The following ROBO2 variants were observed in gnomAD, a reference collection of about 807,000 sequenced individuals.
The protein encoded by ROBO2 is roundabout guidance receptor 2, also known as roundabout homolog 2.
Under a neutral mutation model 160.8 loss-of-function variants are expected in ROBO2, and 53 were observed. The ratio of observed to expected loss-of-function variants is 0.33; its 90% CI spans 0.26 to 0.41. The LOEUF (loss-of-function observed/expected upper bound fraction) is 0.41. Among genes scored for constraint, ROBO2 ranks in the 10% least tolerant of loss-of-function variants. The pLI is 1.00. For synonymous variants in ROBO2, 664 were observed against 611.7 expected (o/e 1.09, Z -1.26); for missense variants, 1,577 against 1,722.4 (o/e 0.92, Z 1.49).
chr3:76,050,354 C>T (rs181808281), intron 2 of ROBO2, among the ~76,000 whole-genome samples: 98 of 152,256 alleles, frequency 6.4e-4, no homozygotes, highest in Admixed American at 1.6e-3. Flanking sequence ...CAGGGGCTCT[C>T]AGGTCTTCAG....
At position 76,305,141 on chromosome 3, in the gene ROBO2, C is replaced by G. The variant is rs528893902; in HGVS notation, c.109+367539C>G. On this transcript the variant is annotated intron_variant, in intron 2 of 26. Transcript: ENST00000487694. ...TTTTAGATCATGCCTTTAATTGAAG[C>G]ATTTTGGGAGGCTGAGGACAGAGGA... Among the ~76,000 whole-genome samples the G allele has an allele frequency of 2.2e-4, 34 of 151,874 alleles. No homozygotes were observed. In the South Asian group the frequency reaches 6.8e-3, roughly 31 times the overall value.
intron 3 of ROBO2, among the ~76,000 whole-genome samples, chr3:77,480,679 A>C (rs735188): frequency 0.018 from 2,698 of 152,218 alleles, 77 homozygotes; most frequent in African/African-American, 0.06. Flanking sequence ...TATGCCTAGT[A>C]AGTATGGATA....
intron 2 of ROBO2, among the ~76,000 whole-genome samples, chr3:76,924,562 C>T (rs1172028986): frequency 6.6e-6 from 1 of 152,170 alleles, no homozygotes; most frequent in Non-Finnish European, 1.5e-5. Flanking sequence ...GCAGCCTGAA[C>T]AGACTAAGAC....
chr3:77,339,488 A>C (rs1453820217), intron 2 of ROBO2, among the ~76,000 whole-genome samples: 1 of 152,080 alleles, frequency 6.6e-6, no homozygotes, highest in Admixed American at 6.6e-5. Flanking sequence ...CTGAACAGGA[A>C]ATTTCGATGC....
intron 2 of ROBO2, among the ~76,000 whole-genome samples, chr3:76,815,814 C>A (rs556799424): frequency 3.6e-4 from 55 of 151,996 alleles, no homozygotes; most frequent in Non-Finnish European, 6.5e-4. Flanking sequence ...CCATTGTTCC[C>A]TTTCCTCACT....
rs191497406 is a variant in ROBO2 at position 76,086,767 on chromosome 3, G to A, written c.109+149165G>A. Among the ~76,000 whole-genome samples, 97 of 152,154 alleles carry A rather than the reference G, an allele frequency of 6.4e-4. No homozygotes were observed. The Middle Eastern group carries it at 0.024, about 37-fold the overall frequency. ...AAGAAATTTTTTATTTAGTAACTAT[G>A]ATCAATATGCTAAGGGCTTTAATAG... On this transcript the variant is annotated intron_variant, in intron 2 of 26. Transcript: ENST00000487694.
chr3:76,472,927 G>A (rs943590543), intron 2 of ROBO2, among the ~76,000 whole-genome samples: 9 of 152,120 alleles, frequency 5.9e-5, no homozygotes, highest in African/African-American at 9.6e-5. Context: ...CCATGCTGTC[G>A]GTGTCTTGAA....
intron 2 of ROBO2, among the ~76,000 whole-genome samples, chr3:77,236,108 A>G (rs1373286933): frequency 6.6e-6 from 1 of 152,238 alleles, no homozygotes; most frequent in African/African-American, 2.4e-5. Context: ...AGTTTTATAC[A>G]TTTTAGAAAA....
chr3:77,477,457 G>C (rs1450904063), exon 3 of ROBO2: 1 of 1,613,764 alleles, frequency 6.2e-7, no homozygotes, highest in Non-Finnish European at 8.5e-7. Flanking sequence ...ATGTTGTAGT[G>C]GCAGCTGGAG....
chr3:76,076,177 C>A (rs1251645893), intron 2 of ROBO2, among the ~76,000 whole-genome samples: 1 of 152,190 alleles, frequency 6.6e-6, no homozygotes. Context: ...TACTCTCCTG[C>A]ACCTCCCTTT....
At chr3:77,060,662 C>T (rs900885980) in intron 1 of ROBO2, among the ~76,000 whole-genome samples, 1 of 152,196 alleles carries the variant, frequency 6.6e-6, no homozygotes, top group Non-Finnish European at 1.5e-5. Context: ...AGATCCACCA[C>T]AGCAGCTCAA....
chr3:76,227,575 T>G (rs936248740), intron 2 of ROBO2, among the ~76,000 whole-genome samples: 1 of 152,232 alleles, frequency 6.6e-6, no homozygotes, highest in African/African-American at 2.4e-5. Flanking sequence ...TAGCATCTAT[T>G]ATGTTTTAAT....
chr3:76,187,997 A>G (rs537126248), intron 2 of ROBO2, among the ~76,000 whole-genome samples: 9 of 152,200 alleles, frequency 5.9e-5, no homozygotes, highest in Admixed American at 4.6e-4. Flanking sequence ...CACTTTTCCT[A>G]TATCTGACAA....
At chr3:76,238,465 A>T (rs547830316) in intron 2 of ROBO2, among the ~76,000 whole-genome samples, 1 of 150,748 alleles carries the variant, frequency 6.6e-6, no homozygotes, top group Non-Finnish European at 1.5e-5. Flanking sequence ...CACCTCCCCC[A>T]AGGGCTTCCC....
At chr3:76,295,929 C>T (rs1709048623) in intron 2 of ROBO2, among the ~76,000 whole-genome samples, 1 of 152,110 alleles carries the variant, frequency 6.6e-6, no homozygotes, top group Non-Finnish European at 1.5e-5. Flanking sequence ...ACCAACTCCA[C>T]CCTCCCCACG....
chr3:77,391,831 A>G (rs1450808190), intron 2 of ROBO2, among the ~76,000 whole-genome samples: 1 of 152,090 alleles, frequency 6.6e-6, no homozygotes, highest in East Asian at 1.9e-4. Flanking sequence ...AAGTGCTGGC[A>G]TTATAAGCAT....
intron 5 of ROBO2, among the ~76,000 whole-genome samples, chr3:77,513,265 T>C (rs1418556862): frequency 2.0e-5 from 3 of 151,950 alleles, no homozygotes; most frequent in Non-Finnish European, 4.4e-5. Flanking sequence ...AATTATATTC[T>C]TAAAAGCTAG....
intron 2 of ROBO2, among the ~76,000 whole-genome samples, chr3:76,022,142 A>C (rs2066592021): frequency 6.6e-6 from 1 of 151,808 alleles, no homozygotes; most frequent in East Asian, 1.9e-4. Flanking sequence ...TAATGCATTA[A>C]AATTGTATCT....
At chr3:75,940,304 A>G (rs1215156568) in intron 2 of ROBO2, among the ~76,000 whole-genome samples, 1 of 152,196 alleles carries the variant, frequency 6.6e-6, no homozygotes, top group Non-Finnish European at 1.5e-5. Context: ...ATGATATAAG[A>G]AATGCAGTCT....
Sources: allele counts gnomAD v4.1 joint callset (sites outside exome capture counted in the v4.1 genomes callset), GRCh38; gene constraint gnomAD v4.1.1; transcripts MANE v1.5; gene names NCBI Gene and HGNC (gene_info 2026-07-23, HGNC 2026-07-21).